DPP10: variants seen among roughly 807,000 people sequenced by gnomAD.
DPP10 encodes dipeptidyl peptidase like 10.
A neutral mutation model predicts 120.9 loss-of-function variants in DPP10; 33 were observed. The ratio of observed to expected loss-of-function variants is 0.27; its 90% CI spans 0.21 to 0.37. The LOEUF is 0.37. Among genes scored for constraint, DPP10 ranks in the 10% least tolerant of loss-of-function variants. DPP10 has a pLI of 1.00. For missense variants in DPP10, 816 were observed against 942.8 expected (o/e 0.87, Z 1.76); for synonymous variants, 337 against 326.1 (o/e 1.03, Z -0.36).
At chr2:115,641,675 T>C (rs765644633) in intron 5 of DPP10, among the ~76,000 whole-genome samples, 17 of 152,210 alleles carry the variant, frequency 1.1e-4, no homozygotes, top group Admixed American at 2.0e-4. Flanking sequence ...CTTTGTCTTA[T>C]ATCCTCAGTT....
At chr2:114,854,404 T>C (rs1336223898) in intron 1 of DPP10, among the ~76,000 whole-genome samples, 1 of 152,138 alleles carries the variant, frequency 6.6e-6, no homozygotes, top group Non-Finnish European at 1.5e-5. Flanking sequence ...CATAAAAAAA[T>C]GAATAAAGAG....
intron 3 of DPP10, among the ~76,000 whole-genome samples, chr2:115,453,885 T>C: frequency 6.6e-6 from 1 of 151,190 alleles, no homozygotes; most frequent in East Asian, 1.9e-4. Flanking sequence ...AAAACACAAA[T>C]TACCAAGACT....
chr2:115,134,722 T>A (rs2050559464), intron 1 of DPP10, among the ~76,000 whole-genome samples: 1 of 151,920 alleles, frequency 6.6e-6, no homozygotes, highest in Admixed American at 6.6e-5. Flanking sequence ...GGGTCAGGGG[T>A]AAGTGCATTT....
rs141891466 is a variant in DPP10 at position 115,222,411 on chromosome 2, C to T, written c.61-86828C>T. Among the ~76,000 whole-genome samples the T allele has an allele frequency of 3.4e-3, 523 of 152,164 alleles. 2 individuals carry two copies. The highest frequency in any genetic ancestry group is 0.012 in the African/African-American group (497 of 41,538). Reference sequence around the variant, plus strand: ...GTTGGGAGGTAATTGAATCATGGGGCAGGTCTTCTCATGCTGCTTTCCTGA... The same window carrying T: ...GTTGGGAGGTAATTGAATCATGGGGTAGGTCTTCTCATGCTGCTTTCCTGA... On this transcript the variant is annotated intron_variant, in intron 1 of 25. Transcript: ENST00000410059.
In DPP10 at chr2:115,707,279, A is replaced by G. The variant is rs192647152; in HGVS notation, c.576+17358A>G. ...ATAATCGACTTTTATAGAACACTAT[A>G]TGTGATAATTACAGAATACTTGACA... On this transcript the variant is annotated intron_variant, in intron 7 of 25. Coordinates refer to ENST00000410059, the MANE Select transcript of DPP10 (RefSeq NM_020868.6). 2.0e-5 allele frequency among the ~76,000 whole-genome samples: 3 copies of G among 152,038 alleles called. No individual in the cohort carries two copies. In the East Asian group the frequency reaches 5.8e-4, roughly 29 times the overall value.
At chr2:115,479,559 A>G (rs2075301579) in intron 3 of DPP10, among the ~76,000 whole-genome samples, 1 of 152,148 alleles carries the variant, frequency 6.6e-6, no homozygotes, top group Non-Finnish European at 1.5e-5. Flanking sequence ...AGTATGGTAT[A>G]TGATAAATTT....
chr2:114,874,173 A>G (rs911530511), intron 1 of DPP10, among the ~76,000 whole-genome samples: 1 of 152,164 alleles, frequency 6.6e-6, no homozygotes, highest in Non-Finnish European at 1.5e-5. Flanking sequence ...TTACAAAAGA[A>G]TTTGAGCATT....
At chr2:114,810,170 C>T (rs774687353) in intron 1 of DPP10, among the ~76,000 whole-genome samples, 1 of 152,110 alleles carries the variant, frequency 6.6e-6, no homozygotes, top group Non-Finnish European at 1.5e-5. Flanking sequence ...ATTTTTCCAC[C>T]GTTTTACTTC....
At chr2:114,999,134 T>C (rs1188354896) in intron 1 of DPP10, among the ~76,000 whole-genome samples, 1 of 152,196 alleles carries the variant, frequency 6.6e-6, no homozygotes, top group East Asian at 1.9e-4. Context: ...TTATCCTTTG[T>C]TTTGCTGTAT....
Position 114,461,940 on chromosome 2 carries a change from G to A in DPP10, c.60+19102G>A, listed in dbSNP as rs1376549542. 1.3e-5 allele frequency: 13 copies of A among 985,244 alleles called. No homozygotes were observed. In the African/African-American group the frequency reaches 2.3e-4, roughly 17 times the overall value. The allele number at this position is 985,244 out of a possible 1,614,324, so 61.0% of individuals were successfully genotyped here. ...GAGCTGGTATGCTGGTTAGGAGGTA[G>A]GAAATAATGAGGCCTCGACCATCTA... is the stretch of plus-strand genomic sequence containing the variant. On this transcript the variant is annotated intron_variant, in intron 1 of 25. Coordinates refer to ENST00000410059, the MANE Select transcript of DPP10 (RefSeq NM_020868.6).
intron 1 of DPP10, among the ~76,000 whole-genome samples, chr2:114,611,033 G>T (rs911901994): frequency 1.3e-5 from 2 of 152,026 alleles, no homozygotes; most frequent in African/African-American, 4.8e-5. Flanking sequence ...TGTAGCCTCA[G>T]GTATAATTAC....
chr2:115,742,047 A>T (rs549476609), intron 9 of DPP10, among the ~76,000 whole-genome samples: 1 of 152,272 alleles, frequency 6.6e-6, no homozygotes, highest in African/African-American at 2.4e-5. Flanking sequence ...TGTAGAAATC[A>T]CAGGTACTAA....
At chr2:115,318,176 C>T (rs946441251) in intron 2 of DPP10, among the ~76,000 whole-genome samples, 20 of 152,124 alleles carry the variant, frequency 1.3e-4, no homozygotes, top group African/African-American at 4.3e-4. Context: ...CCATTTCACC[C>T]AGCACCATTT....
intron 5 of DPP10, among the ~76,000 whole-genome samples, chr2:115,637,709 A>T (rs533206486): frequency 4.6e-5 from 7 of 152,200 alleles, no homozygotes; most frequent in Non-Finnish European, 1.0e-4. Context: ...TAGGCATAAG[A>T]CTTGATTAAA....
chr2:115,059,290 G>T (rs1017088897), intron 1 of DPP10, among the ~76,000 whole-genome samples: 1 of 150,374 alleles, frequency 6.7e-6, no homozygotes, highest in South Asian at 2.1e-4. Flanking sequence ...GTTTTAAAGA[G>T]TCCCCCTCTT....
chr2:115,513,801 C>A (rs1220952065), intron 4 of DPP10, among the ~76,000 whole-genome samples: 1 of 151,936 alleles, frequency 6.6e-6, no homozygotes, highest in Non-Finnish European at 1.5e-5. Context: ...GAGTTACAAG[C>A]AAATGTGTTT....
At chr2:115,757,769 C>A (rs1575694626) in intron 11 of DPP10, among the ~76,000 whole-genome samples, 2 of 109,176 alleles carry the variant, frequency 1.8e-5, no homozygotes, top group South Asian at 3.2e-4. Context: ...ATATTGAAAA[C>A]CAATCAATAT....
intron 1 of DPP10, among the ~76,000 whole-genome samples, chr2:114,908,125 C>G (rs1694109192): frequency 2.0e-5 from 3 of 151,964 alleles, no homozygotes; most frequent in South Asian, 2.1e-4. Context: ...TGTAGGCACT[C>G]TAGCTCTCTC....
chr2:115,221,132 TAG>T (rs1251096987), intron 1 of DPP10, among the ~76,000 whole-genome samples: 1 of 152,102 alleles, frequency 6.6e-6, no homozygotes, highest in African/African-American at 2.4e-5. Context: ...TTGCAGTTGT[TAG>T]AGTTTGTCCA....
Sources: allele counts gnomAD v4.1 joint callset (sites outside exome capture counted in the v4.1 genomes callset), GRCh38; gene constraint gnomAD v4.1.1; transcripts MANE v1.5; gene names NCBI Gene and HGNC (gene_info 2026-07-23, HGNC 2026-07-21).